The following GPHN variants were observed in gnomAD, a reference collection of about 807,000 sequenced individuals.
GPHN encodes gephyrin.
A neutral mutation model predicts 95.5 loss-of-function variants in GPHN; 17 were observed. That is an observed-to-expected ratio of 0.18 (90% CI 0.12 to 0.27). GPHN has a LOEUF of 0.27. Ranked by LOEUF, GPHN falls within the 10% of genes least tolerant of loss-of-function variation. GPHN has a pLI of 1.00. For missense variants in GPHN, 660 were observed against 978.1 expected, an observed-to-expected ratio of 0.67 and a Z score of 4.34; for synonymous variants, 320 against 322.5, an observed-to-expected ratio of 0.99 and a Z score of 0.08.
At chr14:67,100,962 T>G in intron 13 of GPHN, 51 bp downstream of exon 13, 1 of 1,069,410 alleles carries the variant, frequency 9.4e-7, no homozygotes, top group Non-Finnish European at 1.5e-6. Flanking sequence ...TCATGGACTT[T>G]GGGCATCTAA....
the GPHN span, among the ~76,000 whole-genome samples, chr14:67,496,548 G>C: frequency 1.3e-5 from 2 of 151,768 alleles, no homozygotes; most frequent in African/African-American, 4.8e-5. Flanking sequence ...GTGAAGAAAA[G>C]GAGAGAGAAA....
At chr14:67,203,404 C>A in the GPHN span, 1 of 839,868 alleles carries the variant, frequency 1.2e-6, no homozygotes, top group Non-Finnish European at 1.8e-6. Flanking sequence ...ATGTTACTCG[C>A]ACTCCCTGCT....
At chr14:67,723,241 T>C in the GPHN span, among the ~76,000 whole-genome samples, 2 of 152,182 alleles carry the variant, frequency 1.3e-5, no homozygotes, top group Non-Finnish European at 2.9e-5. Context: ...GGAGAATTTT[T>C]AAATTTCTCT....
chr14:67,235,491 G>A, the GPHN span, among the ~76,000 whole-genome samples: 2 of 152,112 alleles, frequency 1.3e-5, no homozygotes, highest in African/African-American at 2.4e-5. Context: ...CGAGGCGGGC[G>A]GATCACGAGG....
the GPHN span, among the ~76,000 whole-genome samples, chr14:67,382,130 C>T: frequency 6.6e-6 from 1 of 152,008 alleles, no homozygotes; most frequent in South Asian, 2.1e-4. Flanking sequence ...GACAAATTAT[C>T]CATTATACTG....
At chr14:67,300,675 G>T in the GPHN span, among the ~76,000 whole-genome samples, 4 of 151,864 alleles carry the variant, frequency 2.6e-5, no homozygotes, top group African/African-American at 9.7e-5. Context: ...TAAATAGTAG[G>T]TGCCATTCTA....
intron 1 of GPHN, among the ~76,000 whole-genome samples, chr14:66,650,102 A>AG (rs1034136692): frequency 1.8e-4 from 28 of 152,190 alleles, no homozygotes; most frequent in Non-Finnish European, 3.2e-4. Flanking sequence ...CAAAAAAAAA[A>AG]AAAAGCTGCA....
the GPHN span, among the ~76,000 whole-genome samples, chr14:67,528,403 G>T: frequency 6.6e-6 from 1 of 152,150 alleles, no homozygotes; most frequent in Non-Finnish European, 1.5e-5. Flanking sequence ...CCCCACACAG[G>T]CTCCCTGGGC....
At chr14:66,680,153 C>G (rs12587681) in intron 1 of GPHN, among the ~76,000 whole-genome samples, 47,879 of 152,050 alleles carry the variant, frequency 0.31, 11,533 homozygotes, top group African/African-American at 0.65. Context: ...CTAATGACAA[C>G]AACTGTTGTG....
intron 5 of GPHN, among the ~76,000 whole-genome samples, chr14:66,904,943 T>A (rs563074540): frequency 6.6e-6 from 1 of 152,300 alleles, no homozygotes; most frequent in African/African-American, 2.4e-5. Context: ...GACCTTCCTG[T>A]ACCTGAATAT....
chr14:66,551,045 G>A (rs2059793545), intron 1 of GPHN: 2 of 156,858 alleles, frequency 1.3e-5, no homozygotes, highest in Non-Finnish European at 1.4e-5. Context: ...TTTTAGTAGG[G>A]ATGGAGTTTC....
chr14:67,389,881 G>T, the GPHN span, among the ~76,000 whole-genome samples: 3 of 151,796 alleles, frequency 2.0e-5, no homozygotes, highest in Non-Finnish European at 4.4e-5. Context: ...CCTGTAGCCA[G>T]GCCACCATGC....
the GPHN span, chr14:67,728,208 C>T: frequency 6.6e-6 from 1 of 152,218 alleles, no homozygotes; most frequent in Non-Finnish European, 1.5e-5. Flanking sequence ...ATGATCTTCA[C>T]TTCCAGAATG....
chr14:66,583,756 G>C (rs1294790915), intron 1 of GPHN, among the ~76,000 whole-genome samples: 2 of 152,052 alleles, frequency 1.3e-5, no homozygotes, highest in African/African-American at 4.8e-5. Context: ...TCTCTGTTTT[G>C]GTACCAGTAC....
At chr14:66,730,511 G>T (rs185081304) in intron 2 of GPHN, among the ~76,000 whole-genome samples, 13 of 152,274 alleles carry the variant, frequency 8.5e-5, no homozygotes, top group Admixed American at 2.6e-4. Context: ...AAATGTTGGG[G>T]TAGGGTGATA....
the GPHN span, among the ~76,000 whole-genome samples, chr14:67,311,552 G>C: frequency 0.029 from 4,392 of 152,192 alleles, 82 homozygotes; most frequent in Non-Finnish European, 0.036. Context: ...AACTTGCCCA[G>C]GTTAGGTAAA....
chr14:66,583,710 A>G (rs1318215080), intron 1 of GPHN, among the ~76,000 whole-genome samples: 3 of 151,954 alleles, frequency 2.0e-5, no homozygotes, highest in Non-Finnish European at 4.4e-5. Context: ...ATGCGGCATT[A>G]TTTCTGAGGG....
At chr14:67,148,672 C>T (rs1567407453) in intron 18 of GPHN, among the ~76,000 whole-genome samples, 3 of 151,312 alleles carry the variant, frequency 2.0e-5, no homozygotes, top group Non-Finnish European at 2.9e-5. Flanking sequence ...GCCATTCTCC[C>T]ACCTCAGCCT....
the GPHN span, among the ~76,000 whole-genome samples, chr14:67,378,466 G>A: frequency 6.6e-6 from 1 of 152,104 alleles, no homozygotes; most frequent in Admixed American, 6.5e-5. Context: ...CTGAAGCTGA[G>A]ATTAAATAAT....
Sources: allele counts gnomAD v4.1 joint callset (sites outside exome capture counted in the v4.1 genomes callset), GRCh38; gene constraint gnomAD v4.1.1; transcripts MANE v1.5; gene names NCBI Gene and HGNC (gene_info 2026-07-23, HGNC 2026-07-21).